CRACDL: variants seen among roughly 807,000 people sequenced by gnomAD.
The protein encoded by CRACDL is CRACD-like protein.
In CRACDL, 26 loss-of-function variants were observed where a neutral mutation model predicts 70.6. That is an observed-to-expected ratio of 0.37 (90% CI 0.27 to 0.51). The LOEUF is 0.51. CRACDL is among the 20% of genes least tolerant of loss of function. CRACDL has a pLI of 0.94. For synonymous variants in CRACDL, 618 were observed against 615.2 expected (o/e 1.00, Z -0.07); for missense variants, 1,283 against 1,376.9 (o/e 0.93, Z 1.08).
At chr2:98,889,154 AGAAG>A (rs752797887) in intron 1 of CRACDL, among the ~76,000 whole-genome samples, 2 of 149,716 alleles carry the variant, frequency 1.3e-5, no homozygotes, top group African/African-American at 2.4e-5. Flanking sequence ...AGAAAAGAAA[AGAAG>A]GAAGGAAGGA....
At chr2:98,856,661 T>C (rs936297205) in intron 1 of CRACDL, among the ~76,000 whole-genome samples, 2 of 152,288 alleles carry the variant, frequency 1.3e-5, no homozygotes, top group Middle Eastern at 3.4e-3. Context: ...CTATAATGTA[T>C]AGCAATGTAG....
chr2:98,853,817 A>G (rs1706581531), intron 1 of CRACDL, among the ~76,000 whole-genome samples: 2 of 152,252 alleles, frequency 1.3e-5, no homozygotes, highest in South Asian at 4.1e-4. Context: ...CTAAACAGAC[A>G]GTCACAATTT....
Position 98,893,543 on chromosome 2 carries a change from C to T in CRACDL, c.-11+42395G>A, listed in dbSNP as rs545442435. Reference sequence around the variant, plus strand: ...TCGTGATCTGCCCTCCTCGGCCTCCCAAAGTGCTGGAATTACAGGCATTAG... The same window carrying T: ...TCGTGATCTGCCCTCCTCGGCCTCCTAAAGTGCTGGAATTACAGGCATTAG... On this transcript the variant is annotated intron_variant, in intron 1 of 9. Coordinates refer to ENST00000397899, the MANE Select transcript of CRACDL (RefSeq NM_207362.3). 2.8e-4 allele frequency among the ~76,000 whole-genome samples: 43 copies of T among 152,256 alleles called. No homozygotes were observed. The South Asian group carries it at 3.1e-3, about 11-fold the overall frequency.
chr2:98,882,045 G>T (rs919696493), intron 1 of CRACDL, among the ~76,000 whole-genome samples: 21 of 152,336 alleles, frequency 1.4e-4, no homozygotes, highest in South Asian at 6.2e-4. Flanking sequence ...GGGGCACCTG[G>T]TTCCACGTCC....
chr2:98,906,857 G>T (rs752007060), intron 1 of CRACDL, among the ~76,000 whole-genome samples: 3 of 152,136 alleles, frequency 2.0e-5, no homozygotes, highest in Non-Finnish European at 1.5e-5. Context: ...TCCTAACAAG[G>T]CTTGTTTTTA....
At chr2:98,806,609 G>A (rs760651595) in intron 7 of CRACDL, among the ~76,000 whole-genome samples, 4 of 152,300 alleles carry the variant, frequency 2.6e-5, no homozygotes, top group East Asian at 1.9e-4. Context: ...CTAGCCTCTC[G>A]GCAGGAGGCA....
At chr2:98,836,066 A>T (rs539667964) in intron 3 of CRACDL, among the ~76,000 whole-genome samples, 1 of 152,334 alleles carries the variant, frequency 6.6e-6, no homozygotes, top group East Asian at 1.9e-4. Context: ...CAAAGCCAGA[A>T]TATGGGACAT....
intron 8 of CRACDL, among the ~76,000 whole-genome samples, chr2:98,796,828 A>T (rs1703843582): frequency 6.6e-6 from 1 of 152,164 alleles, no homozygotes; most frequent in Admixed American, 6.5e-5. Flanking sequence ...TGGGTTGGTG[A>T]AAGCTGCCTT....
intron 1 of CRACDL, among the ~76,000 whole-genome samples, chr2:98,865,086 G>A (rs1279738792): frequency 1.3e-5 from 2 of 152,124 alleles, no homozygotes; most frequent in African/African-American, 4.8e-5. Context: ...GTCAACAAGA[G>A]GAGGTGGTGG....
chr2:98,899,079 A>T (rs1347912584), intron 1 of CRACDL, among the ~76,000 whole-genome samples: 1 of 152,122 alleles, frequency 6.6e-6, no homozygotes, highest in African/African-American at 2.4e-5. Flanking sequence ...CAGGGACCTG[A>T]ATATAAACAA....
intron 5 of CRACDL, among the ~76,000 whole-genome samples, chr2:98,830,777 T>G (rs1165965880): frequency 6.6e-6 from 1 of 152,160 alleles, no homozygotes; most frequent in Non-Finnish European, 1.5e-5. Context: ...TTGTGCCTCA[T>G]AGTGTCACAT....
intron 7 of CRACDL, among the ~76,000 whole-genome samples, chr2:98,812,954 T>C (rs1198588045): frequency 1.3e-5 from 2 of 152,184 alleles, no homozygotes. Flanking sequence ...TCCCAAATAT[T>C]TTCTCATATT....
chr2:98,802,742 C>T (rs1704129950), intron 7 of CRACDL, among the ~76,000 whole-genome samples: 1 of 152,242 alleles, frequency 6.6e-6, no homozygotes, highest in African/African-American at 2.4e-5. Context: ...CCGTATGACA[C>T]TAGGGATGCA....
At chr2:98,893,307 C>T (rs200994181) in intron 1 of CRACDL, among the ~76,000 whole-genome samples, 5 of 151,232 alleles carry the variant, frequency 3.3e-5, no homozygotes, top group Non-Finnish European at 7.4e-5. Flanking sequence ...TTTTTTTAGA[C>T]GAGTCTCGCT....
intron 1 of CRACDL, among the ~76,000 whole-genome samples, chr2:98,852,490 G>GA (rs543857429): frequency 6.6e-6 from 1 of 150,962 alleles, no homozygotes; most frequent in African/African-American, 2.4e-5. Context: ...ATAGTCATGA[G>GA]AAAAAAAACA....
intron 1 of CRACDL, among the ~76,000 whole-genome samples, chr2:98,892,669 G>A (rs974339851): frequency 4.0e-5 from 6 of 151,426 alleles, no homozygotes; most frequent in East Asian, 3.9e-4. Flanking sequence ...CAGCCTGGGC[G>A]AAAGAGTGAG....
At chr2:98,878,725 C>T (rs761363004) in intron 1 of CRACDL, among the ~76,000 whole-genome samples, 4 of 152,150 alleles carry the variant, frequency 2.6e-5, no homozygotes, top group Admixed American at 6.5e-5. Flanking sequence ...GGGTTATGTC[C>T]GGATAAACCC....
chr2:98,826,729 G>GT (rs1705316768), intron 6 of CRACDL, among the ~76,000 whole-genome samples: 1 of 152,216 alleles, frequency 6.6e-6, no homozygotes, highest in Non-Finnish European at 1.5e-5. Context: ...TCAGTAGTGA[G>GT]TGTGTGAGGA....
intron 1 of CRACDL, among the ~76,000 whole-genome samples, chr2:98,873,337 T>A (rs923621605): frequency 1.3e-5 from 2 of 152,240 alleles, no homozygotes; most frequent in African/African-American, 4.8e-5. Flanking sequence ...GCTGTAGAAC[T>A]TGAGAGCAAC....
Sources: gnomAD v4.1 joint callset for allele counts (sites outside exome capture counted in the v4.1 genomes callset) on GRCh38, gnomAD v4.1.1 for gene constraint, MANE v1.5 for transcripts, NCBI Gene and HGNC (gene_info 2026-07-23, HGNC 2026-07-21) for gene names.